The following AP3B2 variants were observed in gnomAD, a reference collection of about 807,000 sequenced individuals.
The protein encoded by AP3B2 is adaptor related protein complex 3 subunit beta 2, also known as AP-3 complex subunit beta-2.
AP3B2 carries 50 observed loss-of-function variants against 126.9 expected under a neutral mutation model. That is an observed-to-expected ratio of 0.39 (90% CI 0.31 to 0.50). AP3B2 has a LOEUF of 0.50. Among genes scored for constraint, AP3B2 ranks in the 20% least tolerant of loss-of-function variants. The probability of loss-of-function intolerance (pLI) is 0.79; values close to 1 mark genes in which losing one functional copy is unlikely to be tolerated. For synonymous variants in AP3B2, 541 were observed against 565.0 expected, an observed-to-expected ratio of 0.96 and a Z score of 0.60; for missense variants, 1,177 against 1,426.4, an observed-to-expected ratio of 0.83 and a Z score of 2.82.
intron 1 of AP3B2, among the ~76,000 whole-genome samples, chr15:82,709,095 A>C (rs1364905989): frequency 1.3e-5 from 2 of 152,140 alleles, no homozygotes; most frequent in Non-Finnish European, 2.9e-5. Context: ...TGTGAGGGTC[A>C]GATGGAGATG....
intron 1 of AP3B2, among the ~76,000 whole-genome samples, chr15:82,700,054 C>T (rs940314828): frequency 4.3e-4 from 66 of 152,180 alleles, no homozygotes; most frequent in African/African-American, 1.5e-3. Context: ...GGACAGGAGA[C>T]CAAGCCTACC....
Position 82,680,176 on chromosome 15 carries a change from C to G in AP3B2, c.1109G>C (p.Arg370Pro). The G allele has an allele frequency of 2.5e-6, 4 of 1,613,362 alleles. No individual in the cohort carries two copies. Among genetic ancestry groups the G allele is most frequent in the Non-Finnish European group, 3.4e-6 (4 of 1,179,800 alleles). Residue 370 changes from arginine (R) to proline (P), a missense_variant and splice_region_variant, in exon 9 of 27, where the codon CGG (arginine) becomes CCG (proline). By Grantham distance (103) the Arg-to-Pro change is moderately radical. This residue lies in a region of AP3B2 where 308 missense variants were observed against 452.4 expected (regional missense o/e 0.68). Coordinates refer to ENST00000535359, the MANE Select transcript of AP3B2 (RefSeq NM_001278512.2). This position sits in a 1 kb window ranked among gnomAD's most constrained non-coding sequence, Gnocchi z 6.1. ...GACAGCCCGCCGTCGCAGGCTCACC[C>G]GGCGCTTGATGGACATGGTGGCCAC... ...QNVATMSIKRRGMFEPYLKSF... is the reference protein window; with the variant it reads ...QNVATMSIKRPGMFEPYLKSF...
intron 20 of AP3B2, 21 bp downstream of exon 20, chr15:82,663,780 A>G: frequency 6.2e-7 from 1 of 1,607,300 alleles, no homozygotes; most frequent in South Asian, 1.1e-5. Flanking sequence ...GCACACCCTG[A>G]CTCTGCCCCA....
chr15:82,694,791 G>T (rs914264327), intron 1 of AP3B2, among the ~76,000 whole-genome samples: 1 of 152,054 alleles, frequency 6.6e-6, no homozygotes, highest in Admixed American at 6.5e-5. Flanking sequence ...GTGTCAGCAG[G>T]GTTGGTTTCT....
intron 1 of AP3B2, among the ~76,000 whole-genome samples, chr15:82,694,602 TTGCACCAAGATGTTGGAGGC>T (rs1342322164): frequency 2.6e-5 from 4 of 151,920 alleles, no homozygotes; most frequent in Non-Finnish European, 5.9e-5. Context: ...GGAGGATCGC[TTGCACCAAGATGTTGGAGGC>T]TGCAGTGAGC....
chr15:82,670,121 G>T lies in AP3B2; in HGVS notation c.1666-3188C>A, dbSNP rs543090007. Among the ~76,000 whole-genome samples the T allele has an allele frequency of 4.5e-3, 604 of 135,042 alleles. 36 individuals carry two copies. Among genetic ancestry groups the T allele is most frequent in the Middle Eastern group, 0.019 (5 of 266 alleles). The allele number at this position is 135,042 out of a possible 152,430, so 88.6% of individuals were successfully genotyped here. A position where few individuals can be genotyped will look rare whatever the true frequency, so the allele number is the denominator to read the frequency against. On this transcript the variant is annotated intron_variant, in intron 14 of 26. Transcript: ENST00000535359. ...GTGGCTTTTTTTTTTTTGGCGGGGG[G>T]GGACGAAGATGAAGTCTCGCTCTTG... is the stretch of plus-strand genomic sequence containing the variant.
intron 14 of AP3B2, among the ~76,000 whole-genome samples, chr15:82,667,667 T>C (rs2048082711): frequency 1.3e-5 from 2 of 152,252 alleles, no homozygotes; most frequent in South Asian, 4.1e-4. Context: ...ATCAAGTGCC[T>C]TCTGGCACCA....
chr15:82,681,393 G>A lies in AP3B2; in HGVS notation c.521+27C>T. ...GAGAACTTAGGAACCAGCCTCCTGG[G>A]GAGCGTGGGACAGGGCTGGGGCATA... On this transcript the variant is annotated intron_variant, in intron 5 of 26. Transcript: ENST00000535359. This position sits in a 1 kb window ranked among gnomAD's most constrained non-coding sequence, Gnocchi z 4.0. The A allele has an allele frequency of 6.2e-7, 1 of 1,611,466 alleles. No individual in the cohort carries two copies. Among genetic ancestry groups the A allele is most frequent in the South Asian group, 1.1e-5 (1 of 90,728 alleles).
Position 82,659,409 on chromosome 15 carries a change from G to A in AP3B2, c.*151C>T. ...ATCCATGGGGAGGGCATTAGGGGAG[G>A]GCTTGGTCCTCCAGAGGGAGAGAGG... is the stretch of plus-strand genomic sequence containing the variant. On this transcript the variant is annotated 3_prime_UTR_variant, in exon 27 of 27. Transcript: ENST00000535359. 3 of 968,568 alleles carry A rather than the reference G, an allele frequency of 3.1e-6. No homozygotes were observed. The highest frequency in any genetic ancestry group is 3.2e-5 in the South Asian group (2 of 62,206). 60.0% of individuals were successfully genotyped at this position (968,568 alleles called of 1,614,324 possible).
At position 82,665,090 on chromosome 15, in the gene AP3B2, C is replaced by A; in HGVS notation, c.2029-147G>T. ...GAATAACAGAGGAGGAAGAAAGGGGCACTGTCCATGGAGGGGAGGGAATGC... is the reference window on the plus strand; with the variant it reads ...GAATAACAGAGGAGGAAGAAAGGGGAACTGTCCATGGAGGGGAGGGAATGC... On this transcript the variant is annotated intron_variant, in intron 17 of 26. Transcript: ENST00000535359. This position sits in a 1 kb window ranked among gnomAD's most constrained non-coding sequence, Gnocchi z 4.4. 1 of 1,032,562 alleles carries A rather than the reference C, an allele frequency of 9.7e-7. No homozygotes were observed. Among genetic ancestry groups the A allele is most frequent in the Admixed American group, 2.1e-5 (1 of 48,034 alleles). 64.0% of individuals were successfully genotyped at this position (1,032,562 alleles called of 1,614,324 possible). A position where few individuals can be genotyped will look rare whatever the true frequency, so the allele number is the denominator to read the frequency against.
rs768982577 is a variant in AP3B2, at chr15:82,678,087, C to G, written c.1245+18G>C. 6.2e-7 allele frequency: 1 copy of G among 1,613,216 alleles called. No homozygotes were observed. Among genetic ancestry groups the G allele is most frequent in the South Asian group, 1.1e-5 (1 of 90,840 alleles). ...GGGCCCCTCTCCCAGGCCCTTCTGG[C>G]TGGGAGCTGGCCTGTACCTGGAATT... On this transcript the variant is annotated intron_variant, in intron 11 of 26. Transcript: ENST00000535359.
In AP3B2 at chr15:82,709,835, G is replaced by C; in HGVS notation, c.-129C>G. 2 of 660,322 alleles carry C rather than the reference G, an allele frequency of 3.0e-6. No homozygotes were observed. Among genetic ancestry groups the C allele is most frequent in the Non-Finnish European group, 4.6e-6 (2 of 431,570 alleles). The allele number at this position is 660,322 out of a possible 1,614,324, so 40.9% of individuals were successfully genotyped here. ...GGCGGCGCGGCAGGGGTTCAGCAGA[G>C]GCTGCAGTGTGCAGCGGCGGAGGCT... On this transcript the variant is annotated 5_prime_UTR_variant, in exon 1 of 27. Transcript: ENST00000535359.
At position 82,665,224 on chromosome 15, in the gene AP3B2, C is replaced by T. The variant is rs750637231; in HGVS notation, c.2028+23G>A. 4 of 1,535,782 alleles carry T rather than the reference C, an allele frequency of 2.6e-6. No homozygotes were observed. In the African/African-American group the frequency reaches 5.5e-5, roughly 21 times the overall value. On this transcript the variant is annotated intron_variant, in intron 17 of 26. Transcript: ENST00000535359. The surrounding 1 kb of genome is among the most constrained non-coding windows in gnomAD (Gnocchi z 4.4). ...GACACAGACAGGGCAGGGGAGAGAG[C>T]ACACGTCACACGAAGGTGGGACCTC...
chr15:82,674,503 T>C (rs139003962), intron 14 of AP3B2, among the ~76,000 whole-genome samples: 2 of 152,284 alleles, frequency 1.3e-5, no homozygotes, highest in Admixed American at 1.3e-4. Flanking sequence ...TAGGGGAGGG[T>C]TCAGCTGTAT....
intron 1 of AP3B2, chr15:82,689,744 T>C: frequency 2.5e-6 from 1 of 404,704 alleles, no homozygotes; most frequent in South Asian, 2.7e-5. Flanking sequence ...CAGATGTAAT[T>C]AGTTAAATGC....
At chr15:82,689,700 C>T (rs935351899) in intron 1 of AP3B2, 2 of 522,856 alleles carry the variant, frequency 3.8e-6, no homozygotes, top group Admixed American at 3.2e-5. Context: ...CCTAGTACCT[C>T]AGAATGTAAC....
chr15:82,681,487 C>G lies in AP3B2; in HGVS notation c.454G>C (p.Glu152Gln). 1 of 1,613,942 alleles carries G rather than the reference C, an allele frequency of 6.2e-7. No homozygotes were observed. The highest frequency in any genetic ancestry group is 8.5e-7 in the Non-Finnish European group (1 of 1,179,880). ...IVPIMMLAIK[E>Q]AASDMSPYVR... The stretch of plus-strand genomic sequence containing the variant: ...TAGGGTGACATGTCCGAGGCGGCTT[C>G]CTTGATAGCTAGCATCATGATGGGC... Residue 152 changes from glutamate to glutamine, a missense_variant, in exon 5 of 27, where the codon GAA becomes CAA. Glu to Gln is a conservative substitution (Grantham distance 29). Transcript: ENST00000535359. This position sits in a 1 kb window ranked among gnomAD's most constrained non-coding sequence, Gnocchi z 4.0.
At chr15:82,708,583 C>T (rs768840947) in intron 1 of AP3B2, among the ~76,000 whole-genome samples, 39 of 152,096 alleles carry the variant, frequency 2.6e-4, no homozygotes, top group Admixed American at 1.3e-4. Flanking sequence ...TCAATCTGGC[C>T]CACCTCCAAT....
rs2048346053 is a variant in AP3B2, at chr15:82,681,927, A to G, written c.361-347T>C. Among the ~76,000 whole-genome samples the G allele has an allele frequency of 6.6e-6, 1 of 152,114 alleles. No homozygotes were observed. Among genetic ancestry groups the G allele is most frequent in the Non-Finnish European group, 1.5e-5 (1 of 68,020 alleles). ...GTTTTAATGCCTGAGGTGACCGCCC[A>G]GCAGATGCAAGCTGGTCTCCCTTCC... On this transcript the variant is annotated intron_variant, in intron 4 of 26. Coordinates refer to ENST00000535359, the MANE Select transcript of AP3B2 (RefSeq NM_001278512.2). The surrounding 1 kb of genome is among the most constrained non-coding windows in gnomAD (Gnocchi z 4.0).
Sources: allele counts gnomAD v4.1 joint callset (sites outside exome capture counted in the v4.1 genomes callset), GRCh38; gene constraint gnomAD v4.1.1; regional missense constraint gnomAD v4.1.1; non-coding constraint Gnocchi (gnomAD v3.1); transcripts MANE v1.5; gene names NCBI Gene and HGNC (gene_info 2026-07-23, HGNC 2026-07-21).